CCBE1: variants seen among roughly 807,000 people sequenced by gnomAD.
CCBE1 encodes the protein collagen and calcium binding EGF domains 1.
Under a neutral mutation model 50.0 loss-of-function variants are expected in CCBE1, and 37 were observed. The observed-to-expected ratio is 0.74, with a 90% CI of 0.57 to 0.97. CCBE1 has a LOEUF of 0.97. Among genes scored for constraint, CCBE1 ranks in the 50% least tolerant of loss-of-function variants. CCBE1 has a pLI of 0.00. For missense variants in CCBE1, 538 were observed against 523.8 expected, an observed-to-expected ratio of 1.03 and a Z score of -0.26; for synonymous variants, 234 against 203.7, an observed-to-expected ratio of 1.15 and a Z score of -1.27.
At chr18:59,671,143 G>A (rs1189835214) in intron 2 of CCBE1, among the ~76,000 whole-genome samples, 1 of 152,056 alleles carries the variant, frequency 6.6e-6, no homozygotes, top group African/African-American at 2.4e-5. Context: ...GGGAAAGGGA[G>A]GCAGTAGCTG....
At chr18:59,527,864 G>C (rs4940888) in intron 2 of CCBE1, among the ~76,000 whole-genome samples, 6 of 151,810 alleles carry the variant, frequency 4.0e-5, no homozygotes, top group African/African-American at 1.5e-4. Context: ...ACTCTGATGG[G>C]CTTCTCCTGT....
chr18:59,647,927 C>T (rs558477804), intron 2 of CCBE1, among the ~76,000 whole-genome samples: 2 of 152,090 alleles, frequency 1.3e-5, no homozygotes, highest in South Asian at 2.1e-4. Flanking sequence ...CTAGATTATT[C>T]CCCGAAACTA....
chr18:59,541,490 C>G (rs1000745808), intron 2 of CCBE1, among the ~76,000 whole-genome samples: 2 of 152,186 alleles, frequency 1.3e-5, no homozygotes, highest in African/African-American at 4.8e-5. Flanking sequence ...AATAACCTCA[C>G]CATCTTTTTG....
intron 2 of CCBE1, among the ~76,000 whole-genome samples, chr18:59,538,194 G>A (rs890088122): frequency 1.3e-5 from 2 of 152,214 alleles, no homozygotes; most frequent in Non-Finnish European, 2.9e-5. Flanking sequence ...AAGCTATAGA[G>A]CGGGTGAGTT....
chr18:59,629,290 C>G (rs1407685047), intron 2 of CCBE1, among the ~76,000 whole-genome samples: 1 of 152,226 alleles, frequency 6.6e-6, no homozygotes. Context: ...TCCCTCATCT[C>G]TTTCTGGTCT....
intron 2 of CCBE1, among the ~76,000 whole-genome samples, chr18:59,575,167 C>T (rs1311991001): frequency 6.6e-6 from 1 of 152,146 alleles, no homozygotes; most frequent in Non-Finnish European, 1.5e-5. Context: ...ACCAACCCTG[C>T]TGATGCCTTG....
chr18:59,589,133 G>A (rs1330107253), intron 2 of CCBE1, among the ~76,000 whole-genome samples: 3 of 152,286 alleles, frequency 2.0e-5, no homozygotes, highest in Non-Finnish European at 2.9e-5. Context: ...CCTGTGGACA[G>A]GGAAAGGGAG....
At chr18:59,522,121 C>A (rs1354614726) in intron 2 of CCBE1, among the ~76,000 whole-genome samples, 1 of 65,534 alleles carries the variant, frequency 1.5e-5, no homozygotes, top group African/African-American at 4.2e-5. Context: ...CATGGCTTAA[C>A]TTTTCTTTTT....
chr18:59,525,514 G>A lies in CCBE1; in HGVS notation c.213-45276C>T, dbSNP rs1354741654. On this transcript the variant is annotated intron_variant, in intron 2 of 10. Coordinates refer to ENST00000439986, the MANE Select transcript of CCBE1 (RefSeq NM_133459.4). Reference sequence around the variant, plus strand: ...TCTGAATATTAGAACTTCGTTAGATGGACAGATTGCAAAAATTTTCTCCTA... The same window carrying A: ...TCTGAATATTAGAACTTCGTTAGATAGACAGATTGCAAAAATTTTCTCCTA... Among the ~76,000 whole-genome samples the A allele has an allele frequency of 2.6e-5, 4 of 152,134 alleles. No individual in the cohort carries two copies. The East Asian group carries it at 7.7e-4, about 29-fold the overall frequency.
chr18:59,627,364 C>T (rs7242649), intron 2 of CCBE1, among the ~76,000 whole-genome samples: 5,044 of 152,224 alleles, frequency 0.033, 260 homozygotes, highest in African/African-American at 0.11. Context: ...GTTATTTTGC[C>T]AAAGCAGTAT....
At chr18:59,646,134 C>T (rs1480616943) in intron 2 of CCBE1, among the ~76,000 whole-genome samples, 1 of 152,178 alleles carries the variant, frequency 6.6e-6, no homozygotes, top group Admixed American at 6.5e-5. Context: ...CCTACTTTGC[C>T]TCAAACCAAG....
chr18:59,601,010 G>GGTTTTTTTTTTTTTTTTTT (rs1555697206), intron 2 of CCBE1, among the ~76,000 whole-genome samples: 1 of 58,004 alleles, frequency 1.7e-5, no homozygotes, highest in African/African-American at 5.4e-5. Context: ...CTATGTGTCA[G>GGTTTTTTTTTTTTTTTTTT]TTTTTTTTTT....
At chr18:59,510,087 G>A (rs1420911761) in intron 2 of CCBE1, among the ~76,000 whole-genome samples, 2 of 152,166 alleles carry the variant, frequency 1.3e-5, no homozygotes, top group South Asian at 4.1e-4. Flanking sequence ...TCCAAATACC[G>A]CCAACACTGG....
intron 2 of CCBE1, among the ~76,000 whole-genome samples, chr18:59,684,270 G>A (rs1056350074): frequency 7.9e-5 from 12 of 152,130 alleles, no homozygotes; most frequent in Admixed American, 4.6e-4. Flanking sequence ...CCAACATGGC[G>A]AAACCCTGTC....
intron 2 of CCBE1, among the ~76,000 whole-genome samples, chr18:59,665,201 G>A (rs557465260): frequency 6.6e-6 from 1 of 152,208 alleles, no homozygotes; most frequent in Admixed American, 6.5e-5. Flanking sequence ...GCTCACGCAA[G>A]AGGATGCAGG....
chr18:59,678,760 C>T (rs1397152047), intron 2 of CCBE1, among the ~76,000 whole-genome samples: 4 of 152,044 alleles, frequency 2.6e-5, no homozygotes, highest in Admixed American at 6.5e-5. Context: ...CTCAAATTCC[C>T]GACCTCAAGT....
chr18:59,657,195 G>A (rs372228900), intron 2 of CCBE1, among the ~76,000 whole-genome samples: 222 of 152,330 alleles, frequency 1.5e-3, no homozygotes, highest in African/African-American at 5.0e-3. Context: ...ATGCTACCTA[G>A]AAAAGCATCC....
chr18:59,466,131 C>T (rs1911729544), intron 5 of CCBE1, among the ~76,000 whole-genome samples: 1 of 151,980 alleles, frequency 6.6e-6, no homozygotes, highest in Non-Finnish European at 1.5e-5. Flanking sequence ...CATATAACTA[C>T]ATGAATATAA....
rs963981929 is a variant in CCBE1 at position 59,697,023 on chromosome 18, G to A, written c.131+189C>T. On this transcript the variant is annotated intron_variant, in intron 1 of 10. Coordinates refer to ENST00000439986, the MANE Select transcript of CCBE1 (RefSeq NM_133459.4). ...CCTGACGCGACCCACGGATGGCAGG[G>A]CGCAAAGGCTGATACCCGGGAGCGG... 7.2e-5 allele frequency among the ~76,000 whole-genome samples: 11 copies of A among 152,338 alleles called. No individual in the cohort carries two copies. In the East Asian group the frequency reaches 7.7e-4, roughly 11 times the overall value.
Sources: allele counts gnomAD v4.1 joint callset (sites outside exome capture counted in the v4.1 genomes callset), GRCh38; gene constraint gnomAD v4.1.1; transcripts MANE v1.5; gene names NCBI Gene and HGNC (gene_info 2026-07-23, HGNC 2026-07-21).